TBC1D32: variants seen among roughly 807,000 people sequenced by gnomAD.
TBC1D32 encodes protein broad-minded.
TBC1D32 carries 151 observed loss-of-function variants against 170.3 expected under a neutral mutation model. The observed-to-expected ratio is 0.89, with a 90% CI of 0.78 to 1.01. The LOEUF is 1.01. Among genes scored for constraint, TBC1D32 ranks in the 50% least tolerant of loss-of-function variants. The pLI, the probability that TBC1D32 is intolerant of heterozygous loss-of-function variation, is 0.00. For synonymous variants in TBC1D32, 498 were observed against 488.0 expected (o/e 1.02, Z -0.27); for missense variants, 1,464 against 1,457.1 (o/e 1.00, Z -0.08).
At chr6:121,303,524 G>T (rs1806798374) in intron 9 of TBC1D32, 93 bp downstream of exon 9, 9 of 1,046,482 alleles carry the variant, frequency 8.6e-6, no homozygotes, top group Non-Finnish European at 1.3e-6. Context: ...AAAGTGATTA[G>T]AACTCTTAGC....
intron 22 of TBC1D32, among the ~76,000 whole-genome samples, chr6:121,186,314 C>G (rs1562818791): frequency 6.6e-6 from 1 of 151,964 alleles, no homozygotes; most frequent in Non-Finnish European, 1.5e-5. Flanking sequence ...CAGGGATGCT[C>G]TGTAGCACCT....
At chr6:121,255,476 ATTATAT>A (rs1315591982) in intron 16 of TBC1D32, 66 bp from the exon 17 acceptor site, 1 of 349,384 alleles carries the variant, frequency 2.9e-6, no homozygotes, top group Non-Finnish European at 4.7e-6. Context: ...ATATTTTATA[ATTATAT>A]TTATAATTAT....
chr6:121,310,662 C>A, intron 4 of TBC1D32, 117 bp downstream of exon 4: 8 of 696,370 alleles, frequency 1.1e-5, no homozygotes, highest in Non-Finnish European at 2.0e-5. Context: ...TCCAGGATTG[C>A]CCATAATCAT....
At chr6:121,189,871 G>T (rs999653351) in intron 22 of TBC1D32, among the ~76,000 whole-genome samples, 1 of 151,886 alleles carries the variant, frequency 6.6e-6, no homozygotes, top group African/African-American at 2.4e-5. Flanking sequence ...AGTAAGACAG[G>T]ACACTAAGAA....
chr6:121,265,557 A>T (rs1800359765), intron 15 of TBC1D32, among the ~76,000 whole-genome samples: 2 of 149,352 alleles, frequency 1.3e-5, no homozygotes, highest in Non-Finnish European at 3.0e-5. Flanking sequence ...TTAGAAAAAA[A>T]ACTACTTAAA....
chr6:121,137,578 G>T (rs912008787), intron 24 of TBC1D32, among the ~76,000 whole-genome samples: 2 of 151,376 alleles, frequency 1.3e-5, no homozygotes, highest in Non-Finnish European at 3.0e-5. Flanking sequence ...TTAAAAAATC[G>T]ATTGATAGTT....
chr6:121,303,148 C>T (rs1806733056), intron 9 of TBC1D32, among the ~76,000 whole-genome samples: 1 of 151,984 alleles, frequency 6.6e-6, no homozygotes. Flanking sequence ...TAAGAAATTG[C>T]CAGGTTCAGG....
intron 17 of TBC1D32, among the ~76,000 whole-genome samples, chr6:121,251,110 C>T (rs1798235014): frequency 1.3e-5 from 2 of 152,118 alleles, no homozygotes; most frequent in South Asian, 4.1e-4. Context: ...ACATTCCATG[C>T]TCATGAATAG....
Position 121,203,539 on chromosome 6 carries a change from G to A in TBC1D32, c.2570+1536C>T, listed in dbSNP as rs550677425. On this transcript the variant is annotated intron_variant, in intron 22 of 31. Transcript: ENST00000398212. ...GATATAAAGAAAGACATGAAGAACT[G>A]CTATTAGAACTATTAATACTACTGT... Among the ~76,000 whole-genome samples, 3 of 151,464 alleles carry A rather than the reference G, an allele frequency of 2.0e-5. No individual in the cohort carries two copies. In the East Asian group the frequency reaches 5.8e-4, roughly 29 times the overall value.
At chr6:121,102,030 A>C (rs561277240) in intron 30 of TBC1D32, among the ~76,000 whole-genome samples, 5 of 152,312 alleles carry the variant, frequency 3.3e-5, no homozygotes, top group African/African-American at 1.2e-4. Context: ...CCAACTTACA[A>C]GAGATGTGAA....
At chr6:121,093,503 G>A (rs1777055637) in intron 30 of TBC1D32, among the ~76,000 whole-genome samples, 1 of 152,064 alleles carries the variant, frequency 6.6e-6, no homozygotes, top group Non-Finnish European at 1.5e-5. Flanking sequence ...AACAATTCGA[G>A]AATGAAAATA....
At chr6:121,291,771 A>G (rs1804902225) in intron 12 of TBC1D32, among the ~76,000 whole-genome samples, 1 of 152,174 alleles carries the variant, frequency 6.6e-6, no homozygotes, top group South Asian at 2.1e-4. Context: ...CTGCTAGTTT[A>G]TAATGGAATG....
chr6:121,223,035 G>A (rs138886091), intron 21 of TBC1D32, among the ~76,000 whole-genome samples: 312 of 152,178 alleles, frequency 2.1e-3, no homozygotes, highest in African/African-American at 7.1e-3. Context: ...ATAGGTCTTG[G>A]GAATGTTAGG....
chr6:121,173,085 G>A (rs535694082), intron 22 of TBC1D32, among the ~76,000 whole-genome samples: 1 of 152,128 alleles, frequency 6.6e-6, no homozygotes, highest in Non-Finnish European at 1.5e-5. Context: ...TAACATTTGA[G>A]TCAGTGGGCT....
At chr6:121,121,322 C>G (rs117292497) in intron 26 of TBC1D32, among the ~76,000 whole-genome samples, 1 of 151,848 alleles carries the variant, frequency 6.6e-6, no homozygotes, top group East Asian at 1.9e-4. Flanking sequence ...GAGGCAAATG[C>G]GCAGAATGTG....
chr6:121,085,290 T>C (rs1354331008), intron 31 of TBC1D32, among the ~76,000 whole-genome samples: 3 of 147,086 alleles, frequency 2.0e-5, no homozygotes, highest in Non-Finnish European at 4.5e-5. Flanking sequence ...TATATATACA[T>C]ATATACATAC....
At chr6:121,131,560 G>T in intron 25 of TBC1D32, 67 bp downstream of exon 25, 1 of 1,497,844 alleles carries the variant, frequency 6.7e-7, no homozygotes, top group Non-Finnish European at 9.0e-7. Context: ...TAATCTTTAA[G>T]AACCACAGAT....
At chr6:121,161,541 G>A (rs762247897) in intron 22 of TBC1D32, among the ~76,000 whole-genome samples, 19 of 152,104 alleles carry the variant, frequency 1.2e-4, no homozygotes, top group Non-Finnish European at 2.1e-4. Context: ...CCTTTCTATA[G>A]CTGCATAGTA....
intron 3 of TBC1D32, among the ~76,000 whole-genome samples, chr6:121,312,628 G>A (rs1808376738): frequency 2.6e-5 from 4 of 152,270 alleles, no homozygotes; most frequent in Admixed American, 2.6e-4. Flanking sequence ...AACCAGCTTG[G>A]TAATTCCTGA....
Sources: allele counts gnomAD v4.1 joint callset (sites outside exome capture counted in the v4.1 genomes callset), GRCh38; gene constraint gnomAD v4.1.1; transcripts MANE v1.5; gene names NCBI Gene and HGNC (gene_info 2026-07-23, HGNC 2026-07-21).